CATSPERB: variants seen among roughly 807,000 people sequenced by gnomAD.
CATSPERB encodes the protein catsper channel auxiliary subunit beta, also known as cation channel sperm-associated auxiliary subunit beta.
In CATSPERB, 93 loss-of-function variants were observed where a neutral mutation model predicts 128.3. That is an observed-to-expected ratio of 0.72 (90% CI 0.61 to 0.86). The LOEUF is 0.86. Ranked by LOEUF, CATSPERB falls within the 40% of genes least tolerant of loss-of-function variation. The pLI, the probability that CATSPERB is intolerant of heterozygous loss-of-function variation, is 0.00. For missense variants in CATSPERB, 1,153 were observed against 1,329.5 expected, an observed-to-expected ratio of 0.87 and a Z score of 2.06; for synonymous variants, 381 against 448.8, an observed-to-expected ratio of 0.85 and a Z score of 1.91.
At chr14:91,663,209 A>T (rs1894915455) in intron 14 of CATSPERB, among the ~76,000 whole-genome samples, 2 of 152,186 alleles carry the variant, frequency 1.3e-5, no homozygotes, top group South Asian at 4.1e-4. Flanking sequence ...CCAAATAAGA[A>T]AACTGACTGC....
At chr14:91,654,268 G>A (rs2139817107) in intron 15 of CATSPERB, among the ~76,000 whole-genome samples, 1 of 152,334 alleles carries the variant, frequency 6.6e-6, no homozygotes, top group Admixed American at 6.5e-5. Flanking sequence ...TTGGGTACCA[G>A]CTTGGCCACA....
chr14:91,669,690 T>C, intron 14 of CATSPERB, 124 bp downstream of exon 14: 1 of 888,396 alleles, frequency 1.1e-6, no homozygotes, highest in Non-Finnish European at 1.7e-6. Context: ...CAATAAATAT[T>C]GTCTTCCCTC....
At position 91,587,054 on chromosome 14, in the gene CATSPERB, T is replaced by G. The variant is rs140715058; in HGVS notation, c.3132+148A>C. ...CCTGGCTTTGTCACTACTGACAGGG[T>G]CAATGCTACCCTTCAGGATCCCCTG... On this transcript the variant is annotated intron_variant, in intron 26 of 26. Coordinates refer to ENST00000256343, the MANE Select transcript of CATSPERB (RefSeq NM_024764.4). 2.1e-4 allele frequency: 128 copies of G among 597,708 alleles called. No individual in the cohort carries two copies. The African/African-American group carries it at 2.3e-3, about 11-fold the overall frequency. The allele number at this position is 597,708 out of a possible 1,614,324, so 37.0% of individuals were successfully genotyped here.
At chr14:91,593,651 A>C (rs529711679) in intron 22 of CATSPERB, among the ~76,000 whole-genome samples, 2 of 152,276 alleles carry the variant, frequency 1.3e-5, no homozygotes, top group African/African-American at 4.8e-5. Context: ...ACAGGCTCAT[A>C]GGTGGAAGGG....
chr14:91,694,456 A>G (rs1386701991), intron 7 of CATSPERB, among the ~76,000 whole-genome samples: 1 of 151,052 alleles, frequency 6.6e-6, no homozygotes, highest in Non-Finnish European at 1.5e-5. Context: ...AAAAAAAAAA[A>G]AAAAAAAAAA....
chr14:91,594,216 C>CTA (rs1595138126), intron 22 of CATSPERB, among the ~76,000 whole-genome samples: 3 of 151,952 alleles, frequency 2.0e-5, no homozygotes, highest in African/African-American at 7.3e-5. Flanking sequence ...TCTCAGCAAA[C>CTA]TATCACAAGG....
chr14:91,607,298 A>T (rs1367769662), intron 22 of CATSPERB, among the ~76,000 whole-genome samples: 1 of 152,194 alleles, frequency 6.6e-6, no homozygotes, highest in Non-Finnish European at 1.5e-5. Flanking sequence ...ATGGAGAAAA[A>T]TAAGGCAGGG....
intron 22 of CATSPERB, among the ~76,000 whole-genome samples, chr14:91,596,663 A>G (rs1253735115): frequency 6.6e-6 from 1 of 152,204 alleles, no homozygotes; most frequent in Non-Finnish European, 1.5e-5. Flanking sequence ...AATTATGATT[A>G]TTACTGATAA....
chr14:91,606,131 GCGCCA>G (rs1893698041), intron 22 of CATSPERB, among the ~76,000 whole-genome samples: 1 of 150,268 alleles, frequency 6.7e-6, no homozygotes, highest in African/African-American at 2.5e-5. Flanking sequence ...AGCCAAGATC[GCGCCA>G]CTGTACTCCA....
intron 15 of CATSPERB, among the ~76,000 whole-genome samples, chr14:91,651,468 T>C (rs1355273): frequency 0.19 from 29,557 of 152,194 alleles, 3,081 homozygotes; most frequent in African/African-American, 0.25. Flanking sequence ...AATAGTCCCC[T>C]TGTAAAGCTT....
At chr14:91,692,892 C>A (rs1010947961) in intron 9 of CATSPERB, among the ~76,000 whole-genome samples, 1 of 152,080 alleles carries the variant, frequency 6.6e-6, no homozygotes, top group Non-Finnish European at 1.5e-5. Flanking sequence ...TGCATGTATA[C>A]ATTTAAAACT....
At chr14:91,607,633 A>T (rs1893736167) in intron 22 of CATSPERB, among the ~76,000 whole-genome samples, 1 of 152,230 alleles carries the variant, frequency 6.6e-6, no homozygotes, top group Admixed American at 6.5e-5. Flanking sequence ...TCTGAATGAG[A>T]TCGGAAGACA....
intron 7 of CATSPERB, among the ~76,000 whole-genome samples, chr14:91,700,386 T>C (rs1380235325): frequency 6.6e-6 from 1 of 152,190 alleles, no homozygotes; most frequent in Non-Finnish European, 1.5e-5. Flanking sequence ...TGTTGTGTCT[T>C]TGCCGATTTT....
chr14:91,646,724 T>G (rs996617581), intron 15 of CATSPERB, among the ~76,000 whole-genome samples: 1 of 152,220 alleles, frequency 6.6e-6, no homozygotes. Flanking sequence ...TCTCACACTT[T>G]TAATATATTG....
intron 10 of CATSPERB, among the ~76,000 whole-genome samples, chr14:91,685,504 T>C (rs1895358282): frequency 6.6e-6 from 1 of 152,176 alleles, no homozygotes; most frequent in South Asian, 2.1e-4. Flanking sequence ...GGCCGTGTGG[T>C]AATTTATCGG....
intron 4 of CATSPERB, among the ~76,000 whole-genome samples, chr14:91,721,362 CT>C (rs1896025500): frequency 6.6e-6 from 1 of 151,840 alleles, no homozygotes; most frequent in African/African-American, 2.4e-5. Flanking sequence ...CTATACAGAG[CT>C]TTTACAAATC....
intron 22 of CATSPERB, among the ~76,000 whole-genome samples, chr14:91,601,937 A>G (rs1704656): frequency 0.6 from 91,116 of 151,908 alleles, 28,034 homozygotes; most frequent in East Asian, 0.94. Context: ...TAGAGTTCAC[A>G]CACATGCATT....
chr14:91,721,534 T>C (rs1050696363), intron 4 of CATSPERB, among the ~76,000 whole-genome samples: 3 of 152,170 alleles, frequency 2.0e-5, no homozygotes, highest in African/African-American at 7.2e-5. Flanking sequence ...ACTTTATACC[T>C]ACTAGGATGG....
chr14:91,648,739 C>T (rs977759478), intron 15 of CATSPERB, among the ~76,000 whole-genome samples: 3 of 152,172 alleles, frequency 2.0e-5, no homozygotes, highest in Non-Finnish European at 4.4e-5. Flanking sequence ...GTGTGTTTCA[C>T]ATACTTGTTC....
Sources: gnomAD v4.1 joint callset for allele counts (sites outside exome capture counted in the v4.1 genomes callset) on GRCh38, gnomAD v4.1.1 for gene constraint, MANE v1.5 for transcripts, NCBI Gene and HGNC (gene_info 2026-07-23, HGNC 2026-07-21) for gene names.